Variants in ADCY5 observed in about 807,000 individuals in gnomAD.
ADCY5 encodes adenylate cyclase type 5.
Under a neutral mutation model 119.7 loss-of-function variants are expected in ADCY5, and 30 were observed. The observed-to-expected ratio is 0.25, with a 90% CI of 0.19 to 0.34. The LOEUF (loss-of-function observed/expected upper bound fraction) is 0.34, where lower values mean the gene tolerates loss of function less well. Among genes scored for constraint, ADCY5 ranks in the 10% least tolerant of loss-of-function variants. The pLI, the probability that ADCY5 is intolerant of heterozygous loss-of-function variation, is 1.00. For synonymous variants in ADCY5, 753 were observed against 762.2 expected (o/e 0.99, Z 0.20); for missense variants, 1,324 against 1,775.2 (o/e 0.75, Z 4.57).
chr3:123,337,494 G>A (rs949909065), intron 3 of ADCY5, among the ~76,000 whole-genome samples: 4 of 152,204 alleles, frequency 2.6e-5, no homozygotes, highest in African/African-American at 4.8e-5. Context: ...GAGTCGGTAG[G>A]GCCCTGCTCC....
chr3:123,423,207 C>T lies in ADCY5; in HGVS notation c.1134+24205G>A, dbSNP rs558144916. The stretch of plus-strand genomic sequence containing the variant: ...ATCCCACACTCACATCCGCCTCCTC[C>T]TTACTCATGCCCACGCTGGGCACGA... On this transcript the variant is annotated intron_variant, in intron 1 of 20. Transcript: ENST00000462833. Among the ~76,000 whole-genome samples the T allele has an allele frequency of 1.3e-3, 191 of 152,310 alleles. 1 individual carries two copies. The highest frequency in any genetic ancestry group is 3.4e-3 in the Middle Eastern group (1 of 294).
chr3:123,296,875 C>G, intron 16 of ADCY5: 1 of 910,976 alleles, frequency 1.1e-6, no homozygotes, highest in Non-Finnish European at 1.6e-6. Flanking sequence ...CTGCCAAGAG[C>G]TCAACCCCTG....
chr3:123,334,555 T>C lies in ADCY5; in HGVS notation c.1407-1880A>G, dbSNP rs143248684. ...GTGTTCGAGCCCAGCCTGGCCAACA[T>C]GGCAAAACCCCATTTCTACTAAAGA... On this transcript the variant is annotated intron_variant, in intron 3 of 20. Transcript: ENST00000462833. Among the ~76,000 whole-genome samples the C allele has an allele frequency of 5.5e-4, 83 of 152,230 alleles. No homozygotes were observed. In the East Asian group the frequency reaches 0.016, roughly 29 times the overall value.
intron 1 of ADCY5, among the ~76,000 whole-genome samples, chr3:123,436,223 A>T (rs1480699356): frequency 1.3e-5 from 2 of 151,904 alleles, no homozygotes; most frequent in African/African-American, 4.8e-5. Context: ...AATTACCAAA[A>T]ATAGCTGGGC....
intron 1 of ADCY5, among the ~76,000 whole-genome samples, chr3:123,409,556 T>A (rs1944990583): frequency 6.6e-6 from 1 of 152,174 alleles, no homozygotes. Context: ...CCAAAAATCC[T>A]CAACTGATTA....
rs1938774047 is a variant in ADCY5, at chr3:123,286,484, G to C, written c.3657+201C>G. 6.6e-6 allele frequency among the ~76,000 whole-genome samples: 1 copy of C among 152,218 alleles called. No individual in the cohort carries two copies. On this transcript the variant is annotated intron_variant, in intron 20 of 20. Coordinates refer to ENST00000462833, the MANE Select transcript of ADCY5 (RefSeq NM_183357.3). The surrounding 1 kb of genome is among the most constrained non-coding windows in gnomAD (Gnocchi z 4.2). ...GTAGAGGGCTCTGCAGAAGCCTGAAGATCTGTCCAAGGTGCTGAGGGCCTG... is the reference window on the plus strand; with the variant it reads ...GTAGAGGGCTCTGCAGAAGCCTGAACATCTGTCCAAGGTGCTGAGGGCCTG...
chr3:123,411,728 T>C (rs1945054067), intron 1 of ADCY5, among the ~76,000 whole-genome samples: 1 of 152,184 alleles, frequency 6.6e-6, no homozygotes, highest in African/African-American at 2.4e-5. Context: ...CACAGCCTGG[T>C]GACCAGGGTG....
intron 1 of ADCY5, among the ~76,000 whole-genome samples, chr3:123,389,247 G>GGAC (rs1053655894): frequency 3.3e-5 from 5 of 152,140 alleles, no homozygotes; most frequent in Non-Finnish European, 7.4e-5. Flanking sequence ...GCTACAGAGA[G>GGAC]GACAGCAGTG....
chr3:123,295,893 T>C (rs1939469709), intron 17 of ADCY5, among the ~76,000 whole-genome samples, 191 bp downstream of exon 17: 2 of 152,204 alleles, frequency 1.3e-5, no homozygotes, highest in South Asian at 4.1e-4. Flanking sequence ...GTTTTGCCTC[T>C]TGGCTCCAGA....
intron 1 of ADCY5, among the ~76,000 whole-genome samples, chr3:123,402,622 G>A (rs530520368): frequency 6.0e-5 from 9 of 151,188 alleles, no homozygotes; most frequent in Middle Eastern, 3.6e-3. Context: ...AGGCTGAGAC[G>A]GGTGGATCAC....
At chr3:123,423,519 A>G (rs1945343786) in intron 1 of ADCY5, among the ~76,000 whole-genome samples, 1 of 152,136 alleles carries the variant, frequency 6.6e-6, no homozygotes, top group Non-Finnish European at 1.5e-5. Context: ...ATGGGAGGGA[A>G]GAGGGGGTGC....
chr3:123,421,393 A>G (rs1399065953), intron 1 of ADCY5, among the ~76,000 whole-genome samples: 1 of 152,216 alleles, frequency 6.6e-6, no homozygotes, highest in East Asian at 1.9e-4. Context: ...CCCAGGATTC[A>G]AACTCAGGTG....
chr3:123,311,925 C>T (rs966435900), intron 12 of ADCY5, among the ~76,000 whole-genome samples: 12 of 151,870 alleles, frequency 7.9e-5, no homozygotes, highest in Non-Finnish European at 1.3e-4. Flanking sequence ...GAACTGAGAA[C>T]TTGCTCAGTG....
At chr3:123,373,945 G>A (rs1943734081) in intron 1 of ADCY5, among the ~76,000 whole-genome samples, 1 of 152,152 alleles carries the variant, frequency 6.6e-6, no homozygotes, top group Admixed American at 6.5e-5. Context: ...GAAGTTTCTA[G>A]TGATCATATG....
intron 1 of ADCY5, among the ~76,000 whole-genome samples, chr3:123,429,510 G>A (rs1945478969): frequency 6.6e-6 from 1 of 152,084 alleles, no homozygotes; most frequent in African/African-American, 2.4e-5. Context: ...CATCTCAGGA[G>A]CACGACCCAC....
At chr3:123,374,071 A>G (rs1943739117) in intron 1 of ADCY5, among the ~76,000 whole-genome samples, 1 of 152,210 alleles carries the variant, frequency 6.6e-6, no homozygotes, top group Non-Finnish European at 1.5e-5. Context: ...GTGGATGCTG[A>G]AGAATGACAT....
intron 2 of ADCY5, among the ~76,000 whole-genome samples, chr3:123,351,561 A>G (rs966068615): frequency 2.6e-5 from 4 of 152,086 alleles, no homozygotes. Flanking sequence ...GAGCAACCTT[A>G]TCTCACAGGA....
At chr3:123,396,475 GAA>G (rs1944570099) in intron 1 of ADCY5, among the ~76,000 whole-genome samples, 1 of 138,698 alleles carries the variant, frequency 7.2e-6, no homozygotes, top group South Asian at 2.4e-4. Flanking sequence ...AAGAAAGAAA[GAA>G]AGAGAGAGAG....
intron 1 of ADCY5, among the ~76,000 whole-genome samples, chr3:123,405,262 T>G (rs2107615245): frequency 6.6e-6 from 1 of 152,352 alleles, no homozygotes; most frequent in African/African-American, 2.4e-5. Flanking sequence ...TCCGCCAGGC[T>G]GCAGCAGCCT....
Sources: gnomAD v4.1 joint callset for allele counts (sites outside exome capture counted in the v4.1 genomes callset) on GRCh38, gnomAD v4.1.1 for gene constraint, Gnocchi (gnomAD v3.1) non-coding constraint, MANE v1.5 for transcripts, NCBI Gene and HGNC (gene_info 2026-07-23, HGNC 2026-07-21) for gene names.